UCK2: variants seen among roughly 807,000 people sequenced by gnomAD.
UCK2 encodes cytidine monophosphokinase 2.
UCK2 carries 6 observed loss-of-function variants against 30.8 expected under a neutral mutation model. That is an observed-to-expected ratio of 0.19 (90% CI 0.11 to 0.38). UCK2 has a LOEUF of 0.38. Ranked by LOEUF, UCK2 falls within the 10% of genes least tolerant of loss-of-function variation. The pLI, the probability that UCK2 is intolerant of heterozygous loss-of-function variation, is 1.00. For synonymous variants in UCK2, 125 were observed against 133.6 expected, an observed-to-expected ratio of 0.94 and a Z score of 0.45; for missense variants, 210 against 339.8, an observed-to-expected ratio of 0.62 and a Z score of 3.00.
intron 1 of UCK2, among the ~76,000 whole-genome samples, chr1:165,873,218 A>G (rs1380111594): frequency 1.3e-5 from 2 of 152,228 alleles, no homozygotes; most frequent in Non-Finnish European, 2.9e-5. Context: ...GAGATAGAGA[A>G]TAGCGAGATA....
At chr1:165,896,817 T>C (rs571444417) in intron 4 of UCK2, among the ~76,000 whole-genome samples, 5 of 152,284 alleles carry the variant, frequency 3.3e-5, no homozygotes, top group African/African-American at 1.2e-4. Context: ...TTATCACTCT[T>C]TCCAGTCAGC....
chr1:165,874,956 T>C (rs1011146066), intron 1 of UCK2, among the ~76,000 whole-genome samples: 34 of 151,118 alleles, frequency 2.2e-4, no homozygotes, highest in Non-Finnish European at 4.4e-5. Flanking sequence ...AATAGTATGA[T>C]AATGTAGTTT....
At chr1:165,856,097 A>C (rs1226669523) in intron 1 of UCK2, among the ~76,000 whole-genome samples, 2 of 152,216 alleles carry the variant, frequency 1.3e-5, no homozygotes, top group African/African-American at 4.8e-5. Flanking sequence ...CCAGTGTAGA[A>C]GGTTTTATCT....
At chr1:165,847,372 G>C (rs1211817623) in intron 1 of UCK2, among the ~76,000 whole-genome samples, 2 of 151,992 alleles carry the variant, frequency 1.3e-5, no homozygotes, top group African/African-American at 4.8e-5. Flanking sequence ...CTCTTATGAT[G>C]GTGGTGGTAT....
chr1:165,834,425 A>AT (rs1342930173), intron 1 of UCK2, among the ~76,000 whole-genome samples: 4 of 152,176 alleles, frequency 2.6e-5, no homozygotes, highest in Non-Finnish European at 4.4e-5. Flanking sequence ...TAGTCCCACC[A>AT]TTGCAATCCA....
chr1:165,872,025 C>CTTTTT (rs146560615), intron 1 of UCK2, among the ~76,000 whole-genome samples: 1 of 147,346 alleles, frequency 6.8e-6, no homozygotes, highest in Non-Finnish European at 1.5e-5. Flanking sequence ...TATACATAGT[C>CTTTTT]TTTTTTTTTT....
At chr1:165,886,926 G>A (rs764742472) in intron 1 of UCK2, among the ~76,000 whole-genome samples, 46 of 152,306 alleles carry the variant, frequency 3.0e-4, no homozygotes, top group African/African-American at 8.4e-4. Context: ...CCAGGAGGAA[G>A]AAAATGCCTG....
chr1:165,855,120 C>T (rs1654708694), intron 1 of UCK2, among the ~76,000 whole-genome samples: 1 of 152,150 alleles, frequency 6.6e-6, no homozygotes, highest in African/African-American at 2.4e-5. Context: ...TTTCTCCCAC[C>T]CACCTTCGTT....
At chr1:165,869,254 A>G (rs575951497) in intron 1 of UCK2, among the ~76,000 whole-genome samples, 50 of 152,214 alleles carry the variant, frequency 3.3e-4, no homozygotes, top group Non-Finnish European at 5.7e-4. Flanking sequence ...AGAATTACCA[A>G]CATGTGACAC....
At chr1:165,872,864 A>G (rs1267979750) in intron 1 of UCK2, among the ~76,000 whole-genome samples, 1 of 152,208 alleles carries the variant, frequency 6.6e-6, no homozygotes. Flanking sequence ...ACGAAACTGA[A>G]AACAGTAGCT....
chr1:165,831,335 G>C (rs1229966009), intron 1 of UCK2, among the ~76,000 whole-genome samples: 2 of 152,184 alleles, frequency 1.3e-5, no homozygotes, highest in African/African-American at 4.8e-5. Flanking sequence ...AGTGAGCTTT[G>C]ATGGTGCCAC....
chr1:165,838,846 G>A (rs755109569), intron 1 of UCK2, among the ~76,000 whole-genome samples: 7 of 152,068 alleles, frequency 4.6e-5, no homozygotes, highest in Non-Finnish European at 1.0e-4. Flanking sequence ...TCAGGAGGTC[G>A]AGACCAGCCT....
Position 165,890,337 on chromosome 1 carries a change from A to C in UCK2, c.233A>C (p.Lys78Thr). 6.2e-7 allele frequency: 1 copy of C among 1,614,054 alleles called. No individual in the cohort carries two copies. Among genetic ancestry groups the C allele is most frequent in the Non-Finnish European group, 8.5e-7 (1 of 1,180,014 alleles). ...TCGGAGCAGAAGGCCAAAGCCCTGA[A>C]GGGCCAGTTCAACTTTGACCACCCG... ...LTSEQKAKAL[K>T]GQFNFDHPDA... The change falls in exon 2 of 7, where the codon AAG becomes ACG. Residue 78 changes from lysine to threonine, a missense_variant. Lys to Thr is a moderately conservative substitution (Grantham distance 78). This residue lies in a region of UCK2 where 75 missense variants were observed against 124.7 expected (regional missense o/e 0.60). Transcript: ENST00000367879.
chr1:165,827,810 GC>G lies in UCK2; in HGVS notation c.-23del. On this transcript the variant is annotated 5_prime_UTR_variant, in exon 1 of 7. Transcript: ENST00000367879. Reference sequence around the variant, plus strand: ...GAGCGTGCGTCCGTTCGCACAGGCAGCGGGAGGAGGGGCGGCGCGAACCATG... The same window carrying G: ...GAGCGTGCGTCCGTTCGCACAGGCAGGGGAGGAGGGGCGGCGCGAACCATG... The G allele has an allele frequency of 7.2e-7, 1 of 1,398,590 alleles. No individual in the cohort carries two copies. The highest frequency in any genetic ancestry group is 9.4e-7 in the Non-Finnish European group (1 of 1,065,728). 86.6% of individuals were successfully genotyped at this position (1,398,590 alleles called of 1,614,324 possible).
At chr1:165,886,452 T>C (rs930294837) in intron 1 of UCK2, among the ~76,000 whole-genome samples, 2 of 152,076 alleles carry the variant, frequency 1.3e-5, no homozygotes, top group African/African-American at 2.4e-5. Context: ...ACAAACACCA[T>C]GCCTAGATAA....
intron 1 of UCK2, among the ~76,000 whole-genome samples, chr1:165,882,532 C>CA (rs1481159144): frequency 6.6e-6 from 1 of 152,170 alleles, no homozygotes; most frequent in Non-Finnish European, 1.5e-5. Context: ...ATTTATTTCT[C>CA]ACAATTCCAG....
chr1:165,868,059 C>T (rs1655091880), intron 1 of UCK2, among the ~76,000 whole-genome samples: 1 of 152,182 alleles, frequency 6.6e-6, no homozygotes, highest in Non-Finnish European at 1.5e-5. Flanking sequence ...ACATTAATCT[C>T]CTTGTACATC....
chr1:165,867,090 A>G (rs1253393581), intron 1 of UCK2, among the ~76,000 whole-genome samples: 2 of 152,248 alleles, frequency 1.3e-5, no homozygotes, highest in Non-Finnish European at 2.9e-5. Flanking sequence ...ACACTATACT[A>G]TAGTCAATTG....
Position 165,854,674 on chromosome 1 carries a change from T to G in UCK2, c.99+26742T>G, listed in dbSNP as rs556235860. 1.7e-4 allele frequency among the ~76,000 whole-genome samples: 26 copies of G among 152,150 alleles called. No homozygotes were observed. In the South Asian group the frequency reaches 5.4e-3, roughly 32 times the overall value. On this transcript the variant is annotated intron_variant, in intron 1 of 6. Transcript: ENST00000367879. The stretch of plus-strand genomic sequence containing the variant: ...AGTGTGTCTTTTGGATCTCTTCAGA[T>G]TAGAAAAAAATCTGTATTTGACTTT...
Sources: gnomAD v4.1 joint callset for allele counts (sites outside exome capture counted in the v4.1 genomes callset) on GRCh38, gnomAD v4.1.1 for gene constraint, gnomAD v4.1.1 regional missense constraint, MANE v1.5 for transcripts, NCBI Gene and HGNC (gene_info 2026-07-23, HGNC 2026-07-21) for gene names.